The following SPTB variants were observed in gnomAD, a reference collection of about 807,000 sequenced individuals.
The protein encoded by SPTB is spectrin beta, erythrocytic.
In SPTB, 45 loss-of-function variants were observed where a neutral mutation model predicts 256.2. The observed-to-expected ratio is 0.18, with a 90% confidence interval of 0.14 to 0.23. The LOEUF is 0.23. Ranked by LOEUF, SPTB falls within the 10% of genes least tolerant of loss-of-function variation. The probability of loss-of-function intolerance (pLI) is 1.00; values close to 1 mark genes in which losing one functional copy is unlikely to be tolerated. For missense variants in SPTB, 2,715 were observed against 3,040.4 expected, an observed-to-expected ratio of 0.89 and a Z score of 2.52; for synonymous variants, 1,231 against 1,243.1, an observed-to-expected ratio of 0.99 and a Z score of 0.21.
intron 8 of SPTB, 149 bp downstream of exon 8, chr14:64,800,607 C>A: frequency 1.4e-6 from 1 of 734,388 alleles, no homozygotes; most frequent in Non-Finnish European, 2.5e-6. Flanking sequence ...AGCTCAGGAG[C>A]CATCAATGTT....
At chr14:64,822,219 C>T (rs1195349158) in intron 2 of SPTB, among the ~76,000 whole-genome samples, 1 of 148,474 alleles carries the variant, frequency 6.7e-6, no homozygotes, top group African/African-American at 2.5e-5. Context: ...TATACTTACC[C>T]TGGGTCAAGT....
At position 64,785,480 on chromosome 14, in the gene SPTB, AC is replaced by A; in HGVS notation, c.3855+56del. The A allele has an allele frequency of 6.7e-7, 1 of 1,489,198 alleles. No individual in the cohort carries two copies. The highest frequency in any genetic ancestry group is 9.2e-7 in the Non-Finnish European group (1 of 1,084,570). The allele number at this position is 1,489,198 out of a possible 1,614,324, so 92.2% of individuals were successfully genotyped here. ...CCTGTGGACTTCCTGCCTTGAGGGA[AC>A]TCTGCTTCTAGAAAGGAATCTCCAG... On this transcript the variant is annotated intron_variant, in intron 18 of 35. Coordinates refer to ENST00000644917, the MANE Select transcript of SPTB (RefSeq NM_001355436.2). The surrounding 1 kb of genome is among the most constrained non-coding windows in gnomAD (Gnocchi z 4.4).
intron 9 of SPTB, among the ~76,000 whole-genome samples, chr14:64,799,501 T>C (rs1207339841): frequency 6.6e-6 from 1 of 152,176 alleles, no homozygotes; most frequent in Non-Finnish European, 1.5e-5. Context: ...TCCTCAGGGA[T>C]ATCTGGGAGA....
rs550298664 is a variant in SPTB, at chr14:64,760,305, G to T, written c.6345+6421C>A. Among the ~76,000 whole-genome samples, 1 of 152,272 alleles carries T rather than the reference G, an allele frequency of 6.6e-6. No individual in the cohort carries two copies. The highest frequency in any genetic ancestry group is 1.9e-4 in the East Asian group (1 of 5,172). ...ACAGGCCAGGGACATGGCCAGGTGG[G>T]TAAATGTCTTCTCCGGGCCAAAGGA... On this transcript the variant is annotated intron_variant, in intron 32 of 35. Transcript: ENST00000644917. The surrounding 1 kb of genome is among the most constrained non-coding windows in gnomAD (Gnocchi z 4.3).
chr14:64,768,353 T>TCTTAAGCTATA (rs1395383144), intron 29 of SPTB: 1 of 203,884 alleles, frequency 4.9e-6, no homozygotes, highest in African/African-American at 2.3e-5. Flanking sequence ...TAGTTATATT[T>TCTTAAGCTATA]TTTAAGCTAT....
chr14:64,788,964 T>G (rs1356414481), intron 15 of SPTB, among the ~76,000 whole-genome samples: 1 of 152,138 alleles, frequency 6.6e-6, no homozygotes, highest in Non-Finnish European at 1.5e-5. Flanking sequence ...AAAACCTTAG[T>G]TTTTTCCCAG....
rs2139415434 is a variant in SPTB, at chr14:64,749,382, G to GA, written c.6910dup (p.Ser2304PhefsTer60). On this transcript the variant is annotated frameshift_variant, in exon 36 of 36. Transcript: ENST00000644917. LOFTEE classifies it high-confidence loss of function. This position sits in a 1 kb window ranked among gnomAD's most constrained non-coding sequence, Gnocchi z 4.7. ...GAGGCTGGCGTCGGGGCCGGAGAGG[G>GA]AAGGCAGGGGCAGGCTCTGCGCCTT... 1 of 1,610,216 alleles carries GA rather than the reference G, an allele frequency of 6.2e-7. No individual in the cohort carries two copies. The highest frequency in any genetic ancestry group is 2.2e-5 in the East Asian group (1 of 44,876).
At position 64,879,897 on chromosome 14, in the gene SPTB, C is replaced by G. The variant is rs1258151568; in HGVS notation, c.-157G>C. 6.5e-6 allele frequency: 1 copy of G among 152,800 alleles called. No homozygotes were observed. The highest frequency in any genetic ancestry group is 6.6e-5 in the Admixed American group (1 of 15,260). 9.5% of individuals were successfully genotyped at this position (152,800 alleles called of 1,614,324 possible). A position where few individuals can be genotyped will look rare whatever the true frequency, so the allele number is the denominator to read the frequency against. Reference sequence around the variant, plus strand: ...GGCTCCTGGCACAGCGGCCGCCGGGCGCCTGGTGCTGCCGAGCCGCGGACC... The same window carrying G: ...GGCTCCTGGCACAGCGGCCGCCGGGGGCCTGGTGCTGCCGAGCCGCGGACC... On this transcript the variant is annotated 5_prime_UTR_variant, in exon 1 of 36. Transcript: ENST00000644917.
chr14:64,810,785 TA>T (rs1566779585), intron 2 of SPTB, among the ~76,000 whole-genome samples: 1 of 151,866 alleles, frequency 6.6e-6, no homozygotes. Context: ...CCAAAAGCTA[TA>T]AAATAAAAAA....
At chr14:64,822,362 T>TTG (rs1566786925) in intron 2 of SPTB, among the ~76,000 whole-genome samples, 1 of 2,808 alleles carries the variant, frequency 3.6e-4, no homozygotes, top group African/African-American at 7.0e-4. Context: ...TCTCTCTCTC[T>TTG]CTCTCTCTCT....
rs916235843 is a variant in SPTB at position 64,778,407 on chromosome 14, G to C, written c.4563+750C>G. On this transcript the variant is annotated intron_variant, in intron 22 of 35. Coordinates refer to ENST00000644917, the MANE Select transcript of SPTB (RefSeq NM_001355436.2). The surrounding 1 kb of genome is among the most constrained non-coding windows in gnomAD (Gnocchi z 5.2). ...CCTGGGCTCTCCTTGCTGACCCAGAGAGCATGCAGAGGGAGGGTCTCTCTG... is the reference window on the plus strand; with the variant it reads ...CCTGGGCTCTCCTTGCTGACCCAGACAGCATGCAGAGGGAGGGTCTCTCTG... Among the ~76,000 whole-genome samples, 1 of 152,182 alleles carries C rather than the reference G, an allele frequency of 6.6e-6. No homozygotes were observed. Among genetic ancestry groups the C allele is most frequent in the Non-Finnish European group, 1.5e-5 (1 of 68,030 alleles).
chr14:64,812,156 C>T (rs2083101446), intron 2 of SPTB, among the ~76,000 whole-genome samples: 1 of 152,342 alleles, frequency 6.6e-6, no homozygotes, highest in African/African-American at 2.4e-5. Context: ...ACAATGTTGG[C>T]CAGGCTGGTC....
At position 64,790,046 on chromosome 14, in the gene SPTB, C is replaced by T. The variant is rs906601965; in HGVS notation, c.2804+1673G>A. 5.3e-5 allele frequency among the ~76,000 whole-genome samples: 8 copies of T among 152,110 alleles called. No individual in the cohort carries two copies. The South Asian group carries it at 6.2e-4, about 12-fold the overall frequency. ...AGGGCAGAGCCAGAATCAATATGTA[C>T]GCATTTCAAGGAGGCAGATTTCCAC... On this transcript the variant is annotated intron_variant, in intron 15 of 35. Transcript: ENST00000644917. This position sits in a 1 kb window ranked among gnomAD's most constrained non-coding sequence, Gnocchi z 4.8.
intron 10 of SPTB, among the ~76,000 whole-genome samples, 160 bp downstream of exon 10, chr14:64,797,569 C>T (rs2082799800): frequency 6.6e-6 from 1 of 150,612 alleles, no homozygotes; most frequent in South Asian, 2.1e-4. Flanking sequence ...AGTCTGACCC[C>T]TCAGAACCAG....
rs1431158979 is a variant in SPTB, at chr14:64,844,465, C to T, written c.-51-21320G>A. ...TACATACCTCCTTTCATCATCAGTG[C>T]TCTCCTGTGAGTGATTTTCACTTCT... is the stretch of plus-strand genomic sequence containing the variant. On this transcript the variant is annotated intron_variant, in intron 1 of 35. Transcript: ENST00000644917. The surrounding 1 kb of genome is among the most constrained non-coding windows in gnomAD (Gnocchi z 4.1). Among the ~76,000 whole-genome samples the T allele has an allele frequency of 5.3e-5, 8 of 152,218 alleles. No homozygotes were observed. The highest frequency in any genetic ancestry group is 1.5e-5 in the Non-Finnish European group (1 of 68,034).
At chr14:64,817,200 G>A (rs2285001) in intron 2 of SPTB, among the ~76,000 whole-genome samples, 1 of 151,922 alleles carries the variant, frequency 6.6e-6, no homozygotes, top group Non-Finnish European at 1.5e-5. Context: ...CACAGTGCAG[G>A]GGCATGCTGA....
At chr14:64,817,368 T>C (rs148823866) in intron 2 of SPTB, among the ~76,000 whole-genome samples, 198 of 152,386 alleles carry the variant, frequency 1.3e-3, no homozygotes, top group African/African-American at 4.1e-3. Context: ...CTGACAATGA[T>C]AGATATTTCT....
At position 64,823,190 on chromosome 14, in the gene SPTB, C is replaced by G. The variant is rs897317142; in HGVS notation, c.-51-45G>C. The stretch of plus-strand genomic sequence containing the variant: ...TCAGAGGGTTATCTCTCTACCCCCT[C>G]GGACTTTTTCTCCGGGGAAACTTAT... On this transcript the variant is annotated intron_variant, in intron 1 of 35. Coordinates refer to ENST00000644917, the MANE Select transcript of SPTB (RefSeq NM_001355436.2). This position sits in a 1 kb window ranked among gnomAD's most constrained non-coding sequence, Gnocchi z 6.5. The G allele has an allele frequency of 1.3e-6, 2 of 1,488,952 alleles. No individual in the cohort carries two copies. Among genetic ancestry groups the G allele is most frequent in the African/African-American group, 2.8e-5 (2 of 72,432 alleles). 92.2% of individuals were successfully genotyped at this position (1,488,952 alleles called of 1,614,324 possible). A position where few individuals can be genotyped will look rare whatever the true frequency, so the allele number is the denominator to read the frequency against.
At position 64,770,904 on chromosome 14, in the gene SPTB, C is replaced by G; in HGVS notation, c.5779G>C (p.Glu1927Gln). 2.5e-6 allele frequency: 4 copies of G among 1,614,070 alleles called. No homozygotes were observed. Among genetic ancestry groups the G allele is most frequent in the South Asian group, 1.1e-5 (1 of 91,064 alleles). The change falls in exon 27 of 36, where the codon GAG becomes CAG. Residue 1927 changes from glutamate (E) to glutamine (Q), a missense_variant. Coordinates refer to ENST00000644917, the MANE Select transcript of SPTB (RefSeq NM_001355436.2). The part of the protein sequence containing the change: ...SWMESIIRQI[E>Q]TQERPRDVSS... ...CCTCACCTGGGCCTCTCCTGGGTCTCGATCTGCCGGATGATGCTCTCCATC... is the reference window on the plus strand; with the variant it reads ...CCTCACCTGGGCCTCTCCTGGGTCTGGATCTGCCGGATGATGCTCTCCATC...
Sources: allele counts gnomAD v4.1 joint callset (sites outside exome capture counted in the v4.1 genomes callset), GRCh38; gene constraint gnomAD v4.1.1; non-coding constraint Gnocchi (gnomAD v3.1); transcripts MANE v1.5; gene names NCBI Gene and HGNC (gene_info 2026-07-23, HGNC 2026-07-21).